Variants in FAS observed in about 807,000 individuals in gnomAD.
FAS encodes tumor necrosis factor receptor superfamily member 6.
A neutral mutation model predicts 33.2 loss-of-function variants in FAS; 5 were observed. The observed-to-expected ratio is 0.15, with a 90% CI of 0.08 to 0.32. The LOEUF is 0.32. Ranked by LOEUF, FAS falls within the 10% of genes least tolerant of loss-of-function variation. The pLI, the probability that FAS is intolerant of heterozygous loss-of-function variation, is 1.00. For synonymous variants in FAS, 131 were observed against 130.7 expected, an observed-to-expected ratio of 1.00 and a Z score of -0.01; for missense variants, 339 against 386.0, an observed-to-expected ratio of 0.88 and a Z score of 1.02.
At chr10:88,996,892 G>T (rs977653615) in intron 1 of FAS, among the ~76,000 whole-genome samples, 1 of 152,102 alleles carries the variant, frequency 6.6e-6, no homozygotes, top group Admixed American at 6.5e-5. Context: ...CTTTATTCTT[G>T]TATGACCCAC....
At chr10:88,968,126 A>C (rs912657842) in intron 1 of FAS, among the ~76,000 whole-genome samples, 5 of 152,142 alleles carry the variant, frequency 3.3e-5, no homozygotes, top group African/African-American at 1.2e-4. Flanking sequence ...CTGTGTTTGC[A>C]GTTATATGTA....
At chr10:89,010,398 A>G in intron 4 of FAS, 141 bp from the exon 5 acceptor site, 2 of 700,166 alleles carry the variant, frequency 2.9e-6, no homozygotes, top group Non-Finnish European at 5.0e-6. Context: ...TTTAGATACT[A>G]ATTTAGAAAT....
upstream of FAS, among the ~76,000 whole-genome samples, chr10:88,984,856 G>T (rs561917888): frequency 6.6e-6 from 1 of 152,334 alleles, no homozygotes; most frequent in East Asian, 1.9e-4. Flanking sequence ...CTGATCTGAT[G>T]ATTCCTTTTC....
chr10:89,003,179 A>G lies in FAS; in HGVS notation c.181A>G (p.Lys61Glu). 1 of 1,614,096 alleles carries G rather than the reference A, an allele frequency of 6.2e-7. No individual in the cohort carries two copies. Among genetic ancestry groups the G allele is most frequent in the African/African-American group, 1.3e-5 (1 of 75,030 alleles). Reference sequence around the variant, plus strand: ...GCATCATGATGGCCAATTCTGCCATAAGCCCTGTCCTCCAGGTATGTTACA... The same window carrying G: ...GCATCATGATGGCCAATTCTGCCATGAGCCCTGTCCTCCAGGTATGTTACA... ...GLHHDGQFCH[K>E]PCPPGERKAR... Residue 61 changes from lysine to glutamate, a missense_variant, in exon 2 of 9, where the codon AAG becomes GAG. Around this residue, in one of 3 missense-constraint regions of FAS, gnomAD observed 276 missense variants for 300.1 expected, o/e 0.92. Coordinates refer to ENST00000652046, the MANE Select transcript of FAS (RefSeq NM_000043.6).
chr10:88,974,279 C>T (rs181510304), intron 2 of FAS: 1 of 151,790 alleles, frequency 6.6e-6, no homozygotes, highest in East Asian at 1.9e-4. Flanking sequence ...CTCTCAAGGA[C>T]TCAATTTGGT....
chr10:88,988,406 A>C (rs1846973404), upstream of FAS, among the ~76,000 whole-genome samples: 1 of 137,070 alleles, frequency 7.3e-6, no homozygotes, highest in Admixed American at 7.9e-5. Flanking sequence ...AGTGGTAAAA[A>C]GATGTAGAAG....
intron 4 of FAS, 122 bp downstream of exon 4, chr10:89,009,119 C>A (rs1405707150): frequency 3.2e-6 from 3 of 937,436 alleles, no homozygotes; most frequent in Non-Finnish European, 5.2e-6. Flanking sequence ...TGCCTCCAAG[C>A]AACTAGATGA....
intron 1 of FAS, among the ~76,000 whole-genome samples, chr10:89,000,451 C>T (rs564879997): frequency 1.2e-4 from 18 of 152,218 alleles, no homozygotes; most frequent in Non-Finnish European, 2.4e-4. Flanking sequence ...TATTATACAA[C>T]AAACACATAT....
chr10:88,991,120 T>G, intron 1 of FAS: 1 of 636,752 alleles, frequency 1.6e-6, no homozygotes. Context: ...CTGGAGGACT[T>G]GCTTTTCTTG....
intron 2 of FAS, among the ~76,000 whole-genome samples, chr10:88,976,699 A>G (rs926827062): frequency 6.6e-6 from 1 of 152,258 alleles, no homozygotes; most frequent in South Asian, 2.1e-4. Context: ...ATAATTTTAA[A>G]TTAACAAAAT....
chr10:88,974,176 A>G (rs569469932), intron 2 of FAS: 28 of 151,990 alleles, frequency 1.8e-4, no homozygotes, highest in Non-Finnish European at 4.0e-4. Context: ...CTAGAACTAA[A>G]CCAGACATTG....
intron 1 of FAS, among the ~76,000 whole-genome samples, chr10:88,970,434 C>T (rs1390462182): frequency 6.6e-6 from 1 of 152,108 alleles, no homozygotes; most frequent in African/African-American, 2.4e-5. Flanking sequence ...GGAGCTTAGG[C>T]CCCTGCTTGT....
At chr10:89,007,978 C>T in intron 3 of FAS, 141 bp downstream of exon 3, 1 of 1,309,588 alleles carries the variant, frequency 7.6e-7, no homozygotes, top group Non-Finnish European at 1.1e-6. Flanking sequence ...TAGGGTACCG[C>T]AGAACCAGGT....
intron 1 of FAS, among the ~76,000 whole-genome samples, chr10:88,971,977 C>T (rs2133325002): frequency 6.6e-6 from 1 of 151,582 alleles, no homozygotes; most frequent in East Asian, 1.9e-4. Flanking sequence ...GGCGTGATCT[C>T]AGCTCACTGC....
At chr10:88,984,215 T>C (rs1024939482), upstream of FAS, among the ~76,000 whole-genome samples, 9 of 152,364 alleles carry the variant, frequency 5.9e-5, no homozygotes, top group African/African-American at 1.9e-4. Flanking sequence ...TGTTCTGATA[T>C]GTAATAAATT....
intron 3 of FAS, 61 bp downstream of exon 3, chr10:89,007,898 A>G (rs1158202522): frequency 6.8e-6 from 11 of 1,608,722 alleles, no homozygotes; most frequent in Non-Finnish European, 8.5e-6. Context: ...AGAACCATTT[A>G]TAAGACAATT....
upstream of FAS, chr10:88,990,479 C>T (rs5030765): frequency 3.2e-4 from 176 of 549,784 alleles, no homozygotes; most frequent in Non-Finnish European, 5.6e-4. The surrounding 1 kb of genome is among the most constrained non-coding windows in gnomAD (Gnocchi z 4.9). Flanking sequence ...GACAGGAATG[C>T]CCATTTGTGC....
chr10:88,975,866 T>C (rs528887539), intron 2 of FAS, among the ~76,000 whole-genome samples: 1 of 152,320 alleles, frequency 6.6e-6, no homozygotes, highest in East Asian at 1.9e-4. Flanking sequence ...ACTATCAGTA[T>C]ACAGTACTAC....
At chr10:88,978,553 T>TTG (rs1846631011) in intron 2 of FAS, among the ~76,000 whole-genome samples, 1 of 152,156 alleles carries the variant, frequency 6.6e-6, no homozygotes, top group Non-Finnish European at 1.5e-5. Context: ...TGGAAAGTGG[T>TTG]AAGAGAGAGA....
Sources: allele counts gnomAD v4.1 joint callset (sites outside exome capture counted in the v4.1 genomes callset), GRCh38; gene constraint gnomAD v4.1.1; regional missense constraint gnomAD v4.1.1; non-coding constraint Gnocchi (gnomAD v3.1); transcripts MANE v1.5; gene names NCBI Gene and HGNC (gene_info 2026-07-23, HGNC 2026-07-21).